Variants in FHIT observed in about 807,000 individuals in gnomAD.
FHIT encodes the protein fragile histidine triad diadenosine triphosphatase.
In FHIT, 19 loss-of-function variants were observed where a neutral mutation model predicts 17.9. That is an observed-to-expected ratio of 1.06 (90% CI 0.74 to 1.56). The LOEUF is 1.56. FHIT is among the 40% of genes most tolerant of loss of function. The pLI is 0.00. For synonymous variants in FHIT, 81 were observed against 69.7 expected (o/e 1.16, Z -0.81); for missense variants, 248 against 189.2 (o/e 1.31, Z -1.82).
At chr3:59,952,035 T>C (rs1422829211) in intron 7 of FHIT, among the ~76,000 whole-genome samples, 1 of 152,182 alleles carries the variant, frequency 6.6e-6, no homozygotes, top group Non-Finnish European at 1.5e-5. Flanking sequence ...CTCACAGCCT[T>C]GATCTCATCC....
intron 5 of FHIT, among the ~76,000 whole-genome samples, chr3:60,492,895 G>C (rs2034127998): frequency 6.6e-6 from 1 of 152,140 alleles, no homozygotes; most frequent in South Asian, 2.1e-4. Flanking sequence ...ATCTTCTGTT[G>C]CTTCACTGGT....
At chr3:59,934,089 A>T (rs1401802028) in intron 7 of FHIT, among the ~76,000 whole-genome samples, 1 of 152,182 alleles carries the variant, frequency 6.6e-6, no homozygotes, top group Non-Finnish European at 1.5e-5. Flanking sequence ...ACAAGAGGCA[A>T]CGGTAATAGC....
At chr3:60,574,535 T>C (rs2037500484) in intron 4 of FHIT, among the ~76,000 whole-genome samples, 1 of 152,046 alleles carries the variant, frequency 6.6e-6, no homozygotes, top group Non-Finnish European at 1.5e-5. Flanking sequence ...AGGGATATAT[T>C]GTGGAGCACT....
intron 7 of FHIT, among the ~76,000 whole-genome samples, chr3:59,986,578 C>CACACACACACACACATATAT (rs1708937390): frequency 3.4e-5 from 2 of 58,366 alleles, no homozygotes; most frequent in African/African-American, 1.9e-4. Context: ...CATATATACA[C>CACACACACACACACATATAT]ACACACACAC....
In FHIT at chr3:60,188,582, A is replaced by C. The variant is rs145032864; in HGVS notation, c.104-174430T>G. Among the ~76,000 whole-genome samples the C allele has an allele frequency of 5.1e-4, 78 of 152,266 alleles. No individual in the cohort carries two copies. In the East Asian group the frequency reaches 0.014, roughly 27 times the overall value. On this transcript the variant is annotated intron_variant, in intron 5 of 9. Transcript: ENST00000492590. Reference sequence around the variant, plus strand: ...GATTTTGTGAAGTTTCATATGAGTTAAGGAGTGCCTTCATTTCATCCTTCA... The same window carrying C: ...GATTTTGTGAAGTTTCATATGAGTTCAGGAGTGCCTTCATTTCATCCTTCA...
At chr3:60,208,249 T>C (rs987321138) in intron 5 of FHIT, among the ~76,000 whole-genome samples, 7 of 152,318 alleles carry the variant, frequency 4.6e-5, no homozygotes, top group African/African-American at 1.7e-4. Flanking sequence ...TTTAACCTTA[T>C]GAAACATTTT....
chr3:59,819,584 A>AT (rs2106648640), intron 8 of FHIT, among the ~76,000 whole-genome samples: 1 of 152,304 alleles, frequency 6.6e-6, no homozygotes, highest in South Asian at 2.1e-4. Context: ...AGGTAGCCGT[A>AT]TTAGCAGACA....
intron 5 of FHIT, among the ~76,000 whole-genome samples, chr3:60,271,831 A>C (rs554114437): frequency 6.6e-6 from 1 of 152,346 alleles, no homozygotes; most frequent in South Asian, 2.1e-4. Context: ...GTGAATGTAT[A>C]AAAGAGCAGA....
chr3:60,220,305 T>A, intron 5 of FHIT, among the ~76,000 whole-genome samples: 1 of 152,056 alleles, frequency 6.6e-6, no homozygotes, highest in Non-Finnish European at 1.5e-5. Context: ...CTGAATATAT[T>A]TCCTATCTAC....
intron 5 of FHIT, among the ~76,000 whole-genome samples, chr3:60,223,268 G>T (rs1704045136): frequency 6.6e-6 from 1 of 152,092 alleles, no homozygotes; most frequent in Non-Finnish European, 1.5e-5. Context: ...TTCATATAAT[G>T]TATTTTGCAG....
chr3:60,454,944 T>G (rs2031993664), intron 5 of FHIT, among the ~76,000 whole-genome samples: 1 of 152,130 alleles, frequency 6.6e-6, no homozygotes, highest in East Asian at 1.9e-4. Context: ...AATATTACCA[T>G]AATAAACCCA....
At chr3:60,133,960 T>G (rs547090788) in intron 5 of FHIT, among the ~76,000 whole-genome samples, 59 of 152,148 alleles carry the variant, frequency 3.9e-4, no homozygotes, top group African/African-American at 1.4e-3. Flanking sequence ...GCTGGAATCC[T>G]AGGTTTATTT....
At chr3:60,273,338 G>A (rs1706960943) in intron 5 of FHIT, among the ~76,000 whole-genome samples, 2 of 152,192 alleles carry the variant, frequency 1.3e-5, no homozygotes, top group African/African-American at 4.8e-5. Context: ...GCCAGGCATG[G>A]TGGCTCACAC....
At chr3:59,975,166 G>A (rs1279716888) in intron 7 of FHIT, among the ~76,000 whole-genome samples, 1 of 152,104 alleles carries the variant, frequency 6.6e-6, no homozygotes, top group African/African-American at 2.4e-5. Flanking sequence ...ATTATTTGCT[G>A]GCAAATGAAT....
At chr3:60,839,544 T>C (rs1429741358) in intron 3 of FHIT, among the ~76,000 whole-genome samples, 4 of 152,188 alleles carry the variant, frequency 2.6e-5, no homozygotes, top group Admixed American at 2.6e-4. Flanking sequence ...TTAATGTATA[T>C]TTTGCATTAT....
chr3:60,293,211 G>C (rs561350491), intron 5 of FHIT, among the ~76,000 whole-genome samples: 10 of 152,154 alleles, frequency 6.6e-5, no homozygotes, highest in African/African-American at 2.4e-4. Context: ...ATATGATATA[G>C]GGTCATTAAT....
At position 60,039,938 on chromosome 3, in the gene FHIT, A is replaced by T. The variant is rs1701368563; in HGVS notation, c.104-25786T>A. Among the ~76,000 whole-genome samples the T allele has an allele frequency of 2.6e-5, 4 of 152,298 alleles. No individual in the cohort carries two copies. In the South Asian group the frequency reaches 8.3e-4, roughly 32 times the overall value. ...TACACTGAAGAGTCACTGATCCACCATTCTTTAATTCAGTCATAAAATATT... is the reference window on the plus strand; with the variant it reads ...TACACTGAAGAGTCACTGATCCACCTTTCTTTAATTCAGTCATAAAATATT... On this transcript the variant is annotated intron_variant, in intron 5 of 9. Transcript: ENST00000492590.
rs1181970228 is a variant in FHIT at position 60,560,842 on chromosome 3, CACAG to C, written c.-17-23867_-17-23864del. Among the ~76,000 whole-genome samples the C allele has an allele frequency of 3.7e-3, 454 of 123,580 alleles. 1 individual carries two copies. The highest frequency in any genetic ancestry group is 0.013 in the African/African-American group (426 of 33,562). The allele number at this position is 123,580 out of a possible 152,430, so 81.1% of individuals were successfully genotyped here. A position where few individuals can be genotyped will look rare whatever the true frequency, so the allele number is the denominator to read the frequency against. ...ACACACACACACACACACACACACA[CACAG>C]AGAGAGAGAGAGTGTGTGTGTGTGT... On this transcript the variant is annotated intron_variant, in intron 4 of 9. Coordinates refer to ENST00000492590, the MANE Select transcript of FHIT (RefSeq NM_002012.4).
chr3:60,588,208 G>T (rs967593206), intron 4 of FHIT, among the ~76,000 whole-genome samples: 12 of 151,982 alleles, frequency 7.9e-5, no homozygotes, highest in African/African-American at 2.7e-4. Flanking sequence ...CATTCTCTCA[G>T]CCCTTAAGGC....
Sources: allele counts gnomAD v4.1 joint callset (sites outside exome capture counted in the v4.1 genomes callset), GRCh38; gene constraint gnomAD v4.1.1; transcripts MANE v1.5; gene names NCBI Gene and HGNC (gene_info 2026-07-23, HGNC 2026-07-21).